The following RIMKLB variants were observed in gnomAD, a reference collection of about 807,000 sequenced individuals.
RIMKLB encodes ribosomal modification protein rimK like family member B, also known as beta-citrylglutamate synthase B.
A neutral mutation model predicts 32.0 loss-of-function variants in RIMKLB; 7 were observed. The ratio of observed to expected loss-of-function variants is 0.22; its 90% CI spans 0.12 to 0.41. The LOEUF (loss-of-function observed/expected upper bound fraction) is 0.41. Among genes scored for constraint, RIMKLB ranks in the 10% least tolerant of loss-of-function variants. The pLI is 1.00. For missense variants in RIMKLB, 289 were observed against 498.7 expected (o/e 0.58, Z 4.00); for synonymous variants, 172 against 185.1 (o/e 0.93, Z 0.57).
At chr12:8,716,417 T>C (rs1033481193) in intron 2 of RIMKLB, among the ~76,000 whole-genome samples, 15 of 149,878 alleles carry the variant, frequency 1.0e-4, no homozygotes, top group Non-Finnish European at 8.9e-5. Context: ...AACCTAGCCT[T>C]ACCATTAACA....
At chr12:8,738,743 G>A (rs771915688) in intron 2 of RIMKLB, among the ~76,000 whole-genome samples, 24 of 152,192 alleles carry the variant, frequency 1.6e-4, no homozygotes, top group South Asian at 4.1e-4. Flanking sequence ...GATACCCCCC[G>A]TCCCCCAGCC....
rs1194493538 is a variant in RIMKLB at position 8,775,918 on chromosome 12, CAGAA to C, written c.*2140_*2143del. ...TATATTAATACCTCTGACTCATTAA[CAGAA>C]AGAAATACTTGGTACTTCTTTCGCT... On this transcript the variant is annotated 3_prime_UTR_variant, in exon 6 of 6. Transcript: ENST00000535829. 7.1e-6 allele frequency: 7 copies of C among 984,880 alleles called. No individual in the cohort carries two copies. The highest frequency in any genetic ancestry group is 8.4e-6 in the Non-Finnish European group (7 of 829,476). The allele number at this position is 984,880 out of a possible 1,614,324, so 61.0% of individuals were successfully genotyped here.
chr12:8,756,262 A>G (rs748415286), intron 5 of RIMKLB, among the ~76,000 whole-genome samples: 10 of 152,236 alleles, frequency 6.6e-5, no homozygotes, highest in Non-Finnish European at 1.5e-4. Flanking sequence ...TCGAGGCTGC[A>G]GTGAACCATG....
intron 5 of RIMKLB, among the ~76,000 whole-genome samples, chr12:8,772,051 G>A (rs1950451173): frequency 6.6e-6 from 1 of 152,038 alleles, no homozygotes; most frequent in Admixed American, 6.6e-5. Context: ...ACCACACCGG[G>A]CTAATTTTTG....
In RIMKLB at chr12:8,773,526, C is replaced by A. The variant is rs982747575; in HGVS notation, c.903C>A (p.Asp301Glu). The A allele has an allele frequency of 8.7e-6, 14 of 1,614,136 alleles. No homozygotes were observed. The highest frequency in any genetic ancestry group is 1.2e-5 in the Non-Finnish European group (14 of 1,180,052). ...TAGATGTAGCTGGTATCATAGCAGA[C>A]TATGCCGCCTCCCTTCTACCCTCTG... The part of the protein sequence containing the change: ...CNLDVAGIIA[D>E]YAASLLPSGR... Residue 301 changes from aspartate (D) to glutamate (E), a missense_variant, in exon 6 of 6, where the codon GAC becomes GAA. Physicochemically the swap from Asp to Glu is conservative, Grantham distance 45. Around this residue, in one of 3 missense-constraint regions of RIMKLB, gnomAD observed 99 missense variants for 133.9 expected, o/e 0.74. Coordinates refer to ENST00000535829, the MANE Select transcript of RIMKLB (RefSeq NM_001297776.2).
chr12:8,741,713 G>A (rs1200731341), intron 2 of RIMKLB, among the ~76,000 whole-genome samples: 3 of 151,418 alleles, frequency 2.0e-5, no homozygotes, highest in African/African-American at 7.3e-5. Context: ...CCAGGAGGCA[G>A]AGCTTGCAGT....
chr12:8,691,183 T>G (rs2136573124), intron 1 of RIMKLB, among the ~76,000 whole-genome samples: 1 of 152,184 alleles, frequency 6.6e-6, no homozygotes, highest in Middle Eastern at 3.4e-3. Context: ...ATGAGTGCAG[T>G]AGCATGATCA....
chr12:8,757,215 A>G (rs1362370352), intron 5 of RIMKLB, among the ~76,000 whole-genome samples: 1 of 152,090 alleles, frequency 6.6e-6, no homozygotes, highest in African/African-American at 2.4e-5. Context: ...TAAGAAGTAT[A>G]CTTTTTTCAT....
intron 5 of RIMKLB, among the ~76,000 whole-genome samples, chr12:8,759,668 A>T (rs572530433): frequency 6.6e-6 from 1 of 152,152 alleles, no homozygotes; most frequent in Admixed American, 6.6e-5. Flanking sequence ...CTAAATGCCA[A>T]TATGTCCGCC....
downstream of RIMKLB, chr12:8,780,103 ACT>A (rs1950944678): frequency 1.3e-5 from 2 of 152,110 alleles, no homozygotes; most frequent in Admixed American, 1.3e-4. Context: ...AACATTGAAA[ACT>A]CAAGCAGGTA....
At chr12:8,771,091 C>A (rs1950360024) in intron 5 of RIMKLB, among the ~76,000 whole-genome samples, 1 of 152,182 alleles carries the variant, frequency 6.6e-6, no homozygotes, top group African/African-American at 2.4e-5. Context: ...TCCAGCTATC[C>A]AGAAGTTTTC....
At chr12:8,699,393 ATTTCT>A (rs973583509) in intron 1 of RIMKLB, among the ~76,000 whole-genome samples, 5 of 152,128 alleles carry the variant, frequency 3.3e-5, no homozygotes, top group African/African-American at 1.2e-4. Flanking sequence ...CTTAAAGGTC[ATTTCT>A]TCTATTTTAA....
rs746394165 is a variant in RIMKLB, at chr12:8,762,455, C to T, written c.697+8362C>T. Reference sequence around the variant, plus strand: ...CTTGCGGCTCTTTTGGCTTCAGTGTCGTCTTGGTGGTTCCCTTCTACTTCC... The same window carrying T: ...CTTGCGGCTCTTTTGGCTTCAGTGTTGTCTTGGTGGTTCCCTTCTACTTCC... On this transcript the variant is annotated intron_variant, in intron 5 of 5. Coordinates refer to ENST00000535829, the MANE Select transcript of RIMKLB (RefSeq NM_001297776.2). Among the ~76,000 whole-genome samples the T allele has an allele frequency of 4.3e-4, 66 of 151,986 alleles. No individual in the cohort carries two copies. The South Asian group carries it at 5.6e-3, about 13-fold the overall frequency.
Position 8,698,036 on chromosome 12 carries a change from T to G in RIMKLB, c.-318T>G. 1 of 211,632 alleles carries G rather than the reference T, an allele frequency of 4.7e-6. No homozygotes were observed. Among genetic ancestry groups the G allele is most frequent in the Non-Finnish European group, 1.0e-5 (1 of 100,222 alleles). 13.1% of individuals were successfully genotyped at this position (211,632 alleles called of 1,614,324 possible). A position where few individuals can be genotyped will look rare whatever the true frequency, so the allele number is the denominator to read the frequency against. ...CGAGGAGCGGCCGGGTGTGAGTGTG[T>G]GGGAGTGAGAGTGTGTGGGAGTGGG... is the stretch of plus-strand genomic sequence containing the variant. On this transcript the variant is annotated 5_prime_UTR_variant, in exon 1 of 6. Transcript: ENST00000535829.
intron 2 of RIMKLB, among the ~76,000 whole-genome samples, chr12:8,714,743 A>G (rs183808023): frequency 8.1e-4 from 124 of 152,302 alleles, no homozygotes; most frequent in African/African-American, 2.6e-3. Context: ...TGAAAGTTTT[A>G]TGGCTTACTA....
chr12:8,739,724 C>T (rs1947326496), intron 2 of RIMKLB, among the ~76,000 whole-genome samples: 1 of 152,156 alleles, frequency 6.6e-6, no homozygotes, highest in African/African-American at 2.4e-5. Flanking sequence ...ACCCTCCTGC[C>T]TCGGCCTTCC....
chr12:8,780,483 GT>G (rs1431771278), downstream of RIMKLB: 1 of 152,162 alleles, frequency 6.6e-6, no homozygotes, highest in Non-Finnish European at 1.5e-5. Context: ...GTTGGTGTAT[GT>G]GCAAAAATAC....
At chr12:8,678,490 TCTG>T (rs1478084384), upstream of RIMKLB, among the ~76,000 whole-genome samples, 1 of 151,644 alleles carries the variant, frequency 6.6e-6, no homozygotes, top group African/African-American at 2.4e-5. Flanking sequence ...ACCACCACGC[TCTG>T]CTAATTTTGT....
the RIMKLB span, among the ~76,000 whole-genome samples, chr12:8,674,397 C>A: frequency 4.0e-4 from 61 of 151,870 alleles, no homozygotes; most frequent in Non-Finnish European, 3.7e-4. Flanking sequence ...CGCCACCACG[C>A]CCTGCTAATT....
Sources: allele counts gnomAD v4.1 joint callset (sites outside exome capture counted in the v4.1 genomes callset), GRCh38; gene constraint gnomAD v4.1.1; regional missense constraint gnomAD v4.1.1; transcripts MANE v1.5; gene names NCBI Gene and HGNC (gene_info 2026-07-23, HGNC 2026-07-21).